SPOCK1: variants seen among roughly 807,000 people sequenced by gnomAD.
SPOCK1 encodes testican-1.
In SPOCK1, 23 loss-of-function variants were observed where a neutral mutation model predicts 55.3. The observed-to-expected ratio is 0.42, with a 90% CI of 0.30 to 0.59. The LOEUF is 0.59. SPOCK1 is among the 20% of genes least tolerant of loss of function. The probability of loss-of-function intolerance (pLI) is 0.22; values close to 1 mark genes in which losing one functional copy is unlikely to be tolerated. For synonymous variants in SPOCK1, 226 were observed against 221.0 expected (o/e 1.02, Z -0.20); for missense variants, 499 against 552.5 (o/e 0.90, Z 0.97).
At chr5:137,444,433 A>G (rs1039032054) in intron 2 of SPOCK1, among the ~76,000 whole-genome samples, 3 of 152,192 alleles carry the variant, frequency 2.0e-5, no homozygotes, top group African/African-American at 7.2e-5. Flanking sequence ...AGATAAATAC[A>G]TAAGCTTCCA....
intron 3 of SPOCK1, among the ~76,000 whole-genome samples, chr5:137,204,712 C>A (rs571108098): frequency 1.3e-5 from 2 of 152,306 alleles, no homozygotes; most frequent in African/African-American, 4.8e-5. Context: ...CAGTCTCCAT[C>A]CAACAGCCAG....
chr5:137,142,766 T>A (rs1301961603), intron 3 of SPOCK1, among the ~76,000 whole-genome samples: 1 of 152,190 alleles, frequency 6.6e-6, no homozygotes, highest in Admixed American at 6.5e-5. Context: ...AGCAAGAGCT[T>A]CCTGGTCCTA....
At chr5:137,393,881 G>A (rs1217378942) in intron 2 of SPOCK1, among the ~76,000 whole-genome samples, 1 of 152,120 alleles carries the variant, frequency 6.6e-6, no homozygotes, top group Non-Finnish European at 1.5e-5. Context: ...GATCTAGAGG[G>A]TTCACACCAA....
rs7705074 is a variant in SPOCK1, at chr5:137,313,489, C to A, written c.187-46434G>T. Reference sequence around the variant, plus strand: ...ACAGGCCGGGCACCTGTGACACCCACCCAAAACAAGGACACCAGCAGCCTC... The same window carrying A: ...ACAGGCCGGGCACCTGTGACACCCAACCAAAACAAGGACACCAGCAGCCTC... On this transcript the variant is annotated intron_variant, in intron 2 of 10. Transcript: ENST00000394945. 2.8e-5 allele frequency: 28 copies of A among 985,310 alleles called. No homozygotes were observed. In the African/African-American group the frequency reaches 4.5e-4, roughly 16 times the overall value. 61.0% of individuals were successfully genotyped at this position (985,310 alleles called of 1,614,324 possible).
rs752829539 is a variant in SPOCK1 at position 137,308,898 on chromosome 5, C to G, written c.187-41843G>C. On this transcript the variant is annotated intron_variant, in intron 2 of 10. Transcript: ENST00000394945. ...TGAAGAGAACCAGAAGACAGTGAAA[C>G]AGTGTTATACCCAGAGAGCAGACGT... Among the ~76,000 whole-genome samples the G allele has an allele frequency of 3.9e-5, 6 of 152,186 alleles. No homozygotes were observed. In the South Asian group the frequency reaches 1.2e-3, roughly 32 times the overall value.
At chr5:137,269,712 C>T (rs1756922739) in intron 2 of SPOCK1, among the ~76,000 whole-genome samples, 1 of 151,980 alleles carries the variant, frequency 6.6e-6, no homozygotes, top group Non-Finnish European at 1.5e-5. Context: ...TGGAGAAAGC[C>T]AAAGATAAAA....
intron 2 of SPOCK1, among the ~76,000 whole-genome samples, chr5:137,283,152 G>A (rs193016961): frequency 6.6e-6 from 1 of 152,246 alleles, no homozygotes; most frequent in East Asian, 1.9e-4. Flanking sequence ...CCTCCAAGTG[G>A]GTATCTTTGA....
At chr5:137,113,981 A>T (rs1033268718) in intron 4 of SPOCK1, among the ~76,000 whole-genome samples, 8 of 152,176 alleles carry the variant, frequency 5.3e-5, no homozygotes, top group Admixed American at 4.6e-4. Context: ...AGCCAAGAGG[A>T]CCGTTAATTT....
chr5:137,230,802 C>A (rs1756038266), intron 3 of SPOCK1, among the ~76,000 whole-genome samples: 1 of 152,140 alleles, frequency 6.6e-6, no homozygotes, highest in African/African-American at 2.4e-5. Flanking sequence ...CAGAGACATT[C>A]CATTTTCCTT....
chr5:137,114,961 A>G (rs971240274), intron 4 of SPOCK1, among the ~76,000 whole-genome samples: 2 of 152,266 alleles, frequency 1.3e-5, no homozygotes, highest in Non-Finnish European at 2.9e-5. Flanking sequence ...GCTTAGCCAA[A>G]GTCAAGGGAG....
chr5:137,051,051 T>C (rs1389403421), intron 6 of SPOCK1, among the ~76,000 whole-genome samples: 2 of 152,212 alleles, frequency 1.3e-5, no homozygotes, highest in East Asian at 1.9e-4. Context: ...TTCAAAATGA[T>C]TTTGAATATC....
chr5:137,291,897 A>T (rs1757378253), intron 2 of SPOCK1, among the ~76,000 whole-genome samples: 1 of 151,856 alleles, frequency 6.6e-6, no homozygotes, highest in Admixed American at 6.6e-5. Context: ...CTTGGTAAAA[A>T]CCCTTCCTGT....
chr5:137,160,594 ATATAT>A (rs1446455835), intron 3 of SPOCK1, among the ~76,000 whole-genome samples: 1 of 65,218 alleles, frequency 1.5e-5, no homozygotes, highest in African/African-American at 6.2e-5. Flanking sequence ...ATAATATATA[ATATAT>A]TATATATAAT....
chr5:137,312,782 C>T (rs374387335), intron 2 of SPOCK1, among the ~76,000 whole-genome samples: 34 of 152,258 alleles, frequency 2.2e-4, no homozygotes, highest in African/African-American at 6.5e-4. Flanking sequence ...CTCTCTCTGC[C>T]CCAAAATCCT....
Position 137,112,355 on chromosome 5 carries a change from C to G in SPOCK1, c.474+80G>C, listed in dbSNP as rs1753490956. On this transcript the variant is annotated intron_variant, in intron 5 of 10. Coordinates refer to ENST00000394945, the MANE Select transcript of SPOCK1 (RefSeq NM_004598.4). ...CCTGGAGCCCACCACGCTTCCCAAG[C>G]CCCAGTTTTGGCATAGAGAAGTGTT... is the stretch of plus-strand genomic sequence containing the variant. 1.9e-6 allele frequency: 3 copies of G among 1,546,188 alleles called. No individual in the cohort carries two copies. In the African/African-American group the frequency reaches 4.1e-5, roughly 21 times the overall value.
intron 2 of SPOCK1, among the ~76,000 whole-genome samples, chr5:137,493,404 A>G (rs1754230245): frequency 6.6e-6 from 1 of 152,256 alleles, no homozygotes; most frequent in Non-Finnish European, 1.5e-5. Context: ...TCATCAGAAT[A>G]TAGGAGAGCA....
intron 2 of SPOCK1, among the ~76,000 whole-genome samples, chr5:137,367,322 C>T (rs1347909583): frequency 6.6e-6 from 1 of 152,144 alleles, no homozygotes; most frequent in African/African-American, 2.4e-5. Flanking sequence ...ACAGTCACAC[C>T]CACCCCTGCA....
Position 136,978,341 on chromosome 5 carries a change from T to G in SPOCK1, c.*313A>C. On this transcript the variant is annotated 3_prime_UTR_variant, in exon 11 of 11. Coordinates refer to ENST00000394945, the MANE Select transcript of SPOCK1 (RefSeq NM_004598.4). Reference sequence around the variant, plus strand: ...AAGAGGGTTGGGGCTCCCTGCACTGTCAGAATTCCACGTAAATCACATGCT... The same window carrying G: ...AAGAGGGTTGGGGCTCCCTGCACTGGCAGAATTCCACGTAAATCACATGCT... 1 of 353,464 alleles carries G rather than the reference T, an allele frequency of 2.8e-6. No individual in the cohort carries two copies. The highest frequency in any genetic ancestry group is 5.1e-6 in the Non-Finnish European group (1 of 197,874). The allele number at this position is 353,464 out of a possible 1,614,324, so 21.9% of individuals were successfully genotyped here. A position where few individuals can be genotyped will look rare whatever the true frequency, so the allele number is the denominator to read the frequency against.
intron 2 of SPOCK1, among the ~76,000 whole-genome samples, chr5:137,337,193 AAAGTACAGTGTATCTCCAG>A (rs1315494404): frequency 1.3e-5 from 2 of 152,214 alleles, no homozygotes; most frequent in Non-Finnish European, 1.5e-5. Flanking sequence ...CAGAAGCAAA[AAAGTACAGTGTATCTCCAG>A]GGAGCAGGTA....
Sources: gnomAD v4.1 joint callset for allele counts (sites outside exome capture counted in the v4.1 genomes callset) on GRCh38, gnomAD v4.1.1 for gene constraint, MANE v1.5 for transcripts, NCBI Gene and HGNC (gene_info 2026-07-23, HGNC 2026-07-21) for gene names.